The following MMRN2 variants were observed in gnomAD, a reference collection of about 807,000 sequenced individuals.
The protein encoded by MMRN2 is multimerin 2.
A neutral mutation model predicts 68.8 loss-of-function variants in MMRN2; 53 were observed. The observed-to-expected ratio is 0.77, with a 90% CI of 0.62 to 0.97. The LOEUF (loss-of-function observed/expected upper bound fraction) is 0.97. Among genes scored for constraint, MMRN2 ranks in the 50% least tolerant of loss-of-function variants. The pLI is 0.00. For synonymous variants in MMRN2, 564 were observed against 551.6 expected (o/e 1.02, Z -0.32); for missense variants, 1,266 against 1,259.5 (o/e 1.01, Z -0.08).
chr10:86,938,095 T>A lies in MMRN2; in HGVS notation c.2468-970A>T, dbSNP rs1355289162. Among the ~76,000 whole-genome samples, 3 of 152,294 alleles carry A rather than the reference T, an allele frequency of 2.0e-5. No individual in the cohort carries two copies. The East Asian group carries it at 5.8e-4, about 29-fold the overall frequency. ...GTCTACAGGCATACGCCATCATGCC[T>A]GGCTAATTTTTTATTTTTTGTAGAG... On this transcript the variant is annotated intron_variant, in intron 6 of 6. Coordinates refer to ENST00000372027, the MANE Select transcript of MMRN2 (RefSeq NM_024756.3).
At position 86,939,202 on chromosome 10, in the gene MMRN2, G is replaced by T. The variant is rs562724192; in HGVS notation, c.2468-2077C>A. Among the ~76,000 whole-genome samples, 25 of 148,456 alleles carry T rather than the reference G, an allele frequency of 1.7e-4. 1 individual carries two copies. The highest frequency in any genetic ancestry group is 5.5e-4 in the African/African-American group (22 of 40,086). On this transcript the variant is annotated intron_variant, in intron 6 of 6. Coordinates refer to ENST00000372027, the MANE Select transcript of MMRN2 (RefSeq NM_024756.3). ...AAAAATGCCGGGCGCAATGGCTCAC[G>T]CCTGTAATCCCAGCACTTTGGAAGG... is the stretch of plus-strand genomic sequence containing the variant.
chr10:86,937,071 GTC>G lies in MMRN2; in HGVS notation c.2520_2521del (p.Gln840HisfsTer18). The G allele has an allele frequency of 6.2e-7, 1 of 1,614,216 alleles. No homozygotes were observed. Among genetic ancestry groups the G allele is most frequent in the Non-Finnish European group, 8.5e-7 (1 of 1,180,042 alleles). The stretch of plus-strand genomic sequence containing the variant: ...GATGTATGTGGTGTTGAACTTCACT[GTC>G]TGCAGGGCAGCCGTCCCTTCTGAAA... On this transcript the variant is annotated frameshift_variant, in exon 7 of 7. Coordinates refer to ENST00000372027, the MANE Select transcript of MMRN2 (RefSeq NM_024756.3). LOFTEE classifies it low-confidence loss of function (END_TRUNC).
Position 86,944,372 on chromosome 10 carries a change from C to G in MMRN2, c.545G>C (p.Gly182Ala), listed in dbSNP as rs61736566. 2.6e-3 allele frequency: 4,263 copies of G among 1,614,004 alleles called. 88 individuals are homozygous for G. The African/African-American group carries it at 0.05, about 19-fold the overall frequency. ...CCGGTGCACATCATTCTGGAGATCTCCCAGCAGATGTTCCTGCTGTTCCTG... is the reference window on the plus strand; with the variant it reads ...CCGGTGCACATCATTCTGGAGATCTGCCAGCAGATGTTCCTGCTGTTCCTG... Reference protein sequence around the residue: ...VQQEQQEHLLGDLQNDVHRVA... With the variant: ...VQQEQQEHLLADLQNDVHRVA... Residue 182 changes from glycine to alanine, a missense_variant, in exon 5 of 7, where the codon GGA (glycine) becomes GCA (alanine). Transcript: ENST00000372027.
intron 6 of MMRN2, among the ~76,000 whole-genome samples, chr10:86,938,727 T>C (rs75995211): frequency 0.041 from 6,175 of 152,316 alleles, 205 homozygotes; most frequent in East Asian, 0.12. Context: ...AATTACTGAC[T>C]TGGGTCCCGG....
chr10:86,951,918 C>G lies in MMRN2; in HGVS notation c.164+5460G>C, dbSNP rs534963825. ...CAAAAATTAGCTGGGTGTGGTGGTG[C>G]ACACCTCTAGTCCCAGCTACTTGGG... On this transcript the variant is annotated intron_variant, in intron 1 of 6. Transcript: ENST00000372027. Among the ~76,000 whole-genome samples the G allele has an allele frequency of 2.6e-5, 4 of 152,102 alleles. No individual in the cohort carries two copies. The East Asian group carries it at 7.7e-4, about 29-fold the overall frequency.
chr10:86,945,749 A>T, intron 1 of MMRN2, 60 bp from the exon 2 acceptor site: 2 of 1,610,144 alleles, frequency 1.2e-6, no homozygotes, highest in South Asian at 2.2e-5. Flanking sequence ...AGGGGGTGCC[A>T]GTGCAGAGCC....
At chr10:86,940,540 C>T (rs1291912450) in intron 6 of MMRN2, among the ~76,000 whole-genome samples, 1 of 152,208 alleles carries the variant, frequency 6.6e-6, no homozygotes, top group East Asian at 1.9e-4. Context: ...AAGCCTCGTG[C>T]TAGGTATTTG....
intron 1 of MMRN2, among the ~76,000 whole-genome samples, chr10:86,953,116 G>A (rs1042484340): frequency 1.8e-4 from 28 of 152,170 alleles, no homozygotes; most frequent in South Asian, 2.1e-4. Flanking sequence ...CCCTAAAATC[G>A]CTGTTATTCT....
chr10:86,941,853 AATC>A (rs1843974531), intron 6 of MMRN2, among the ~76,000 whole-genome samples: 1 of 151,020 alleles, frequency 6.6e-6, no homozygotes, highest in Non-Finnish European at 1.5e-5. Context: ...AAAAAACTAA[AATC>A]ATGGAAAATG....
chr10:86,945,173 C>T lies in MMRN2; in HGVS notation c.481+15G>A, dbSNP rs377409752. The stretch of plus-strand genomic sequence containing the variant: ...CACCAGCCTGCCTGCCTTCCCCTTC[C>T]GGAAAGCAACACACCAGGTTTGAAG... On this transcript the variant is annotated intron_variant, in intron 4 of 6. Coordinates refer to ENST00000372027, the MANE Select transcript of MMRN2 (RefSeq NM_024756.3). 96 of 1,612,414 alleles carry T rather than the reference C, an allele frequency of 6.0e-5. No individual in the cohort carries two copies. The highest frequency in any genetic ancestry group is 2.7e-4 in the African/African-American group (20 of 75,038).
At chr10:86,939,547 T>G (rs1484584037) in intron 6 of MMRN2, among the ~76,000 whole-genome samples, 1 of 148,820 alleles carries the variant, frequency 6.7e-6, no homozygotes, top group African/African-American at 2.5e-5. Flanking sequence ...CCTAACACCC[T>G]GCAGGTGGTT....
At position 86,943,800 on chromosome 10, in the gene MMRN2, C is replaced by T. The variant is rs748661433; in HGVS notation, c.984G>A (p.Glu328=). The change falls in exon 6 of 7, where the codon GAG becomes GAA. Residue 328 remains glutamate (E), a synonymous_variant. Coordinates refer to ENST00000372027, the MANE Select transcript of MMRN2 (RefSeq NM_024756.3). The surrounding 1 kb of genome is among the most constrained non-coding windows in gnomAD (Gnocchi z 4.2). The stretch of plus-strand genomic sequence containing the variant: ...ATTTGGTGTCCACATCGGCTTGGAG[C>T]TCTGAGATCGAGCGGTGCAGGGTAA... ...QHFTLHRSIS[E]LQADVDTKLK... is the part of the protein sequence containing the mutation. The T allele has an allele frequency of 6.2e-7, 1 of 1,610,032 alleles. No homozygotes were observed. The highest frequency in any genetic ancestry group is 1.1e-5 in the South Asian group (1 of 91,088).
chr10:86,951,417 G>C (rs74153430), intron 1 of MMRN2, among the ~76,000 whole-genome samples: 3,579 of 152,364 alleles, frequency 0.023, 130 homozygotes, highest in African/African-American at 0.079. Flanking sequence ...GTGACACCCA[G>C]GGTGGGGCCC....
intron 6 of MMRN2, among the ~76,000 whole-genome samples, chr10:86,941,858 T>C (rs1843975438): frequency 8.3e-6 from 1 of 120,430 alleles, no homozygotes; most frequent in Non-Finnish European, 1.8e-5. Context: ...ACTAAAATCA[T>C]GGAAAATGAA....
chr10:86,940,038 GT>G (rs1245667876), intron 6 of MMRN2, among the ~76,000 whole-genome samples: 1 of 137,380 alleles, frequency 7.3e-6, no homozygotes, highest in African/African-American at 2.8e-5. Context: ...TTTTTTGACA[GT>G]TTCGCTCTTC....
chr10:86,947,720 G>A (rs1429788168), intron 1 of MMRN2, among the ~76,000 whole-genome samples: 2 of 151,904 alleles, frequency 1.3e-5, no homozygotes, highest in African/African-American at 2.4e-5. Flanking sequence ...TACCCTCTCA[G>A]CAGCAGACTG....
rs4520507 is a variant in MMRN2, at chr10:86,957,356, G to T, written c.164+22C>A. The T allele has an allele frequency of 9.3e-4, 1,496 of 1,611,768 alleles. 10 individuals carry two copies. In the African/African-American group the frequency reaches 0.017, roughly 18 times the overall value. ...ACTCAGATCCTACTCCATGACCTCT[G>T]CCAAGGTCCAGGCCCTCTTACCGTC... On this transcript the variant is annotated intron_variant, in intron 1 of 6. Transcript: ENST00000372027.
rs1276934269 is a variant in MMRN2 at position 86,945,646 on chromosome 10, C to G, written c.208G>C (p.Ala70Pro). Residue 70 changes from alanine (A) to proline (P), a missense_variant, in exon 2 of 7, where the codon GCT becomes CCT. Coordinates refer to ENST00000372027, the MANE Select transcript of MMRN2 (RefSeq NM_024756.3). Reference protein sequence around the residue: ...YPMSKLVTLLALCKTEKFLIH... With the variant: ...YPMSKLVTLLPLCKTEKFLIH... ...AGGAATTTCTCTGTTTTGCAAAGAG[C>G]TAGTAAGGTGACCAGCTTGGACATT... 4.3e-6 allele frequency: 7 copies of G among 1,613,974 alleles called. No homozygotes were observed. The Admixed American group carries it at 5.0e-5, about 12-fold the overall frequency.
Position 86,943,320 on chromosome 10 carries a change from G to A in MMRN2, c.1464C>T (p.Tyr488=). ...GCTTCTGGCAATTGCAGTCCTTCAC[G>A]TACTTGATGAGGTCGGCATGGCCAC... The part of the protein sequence containing the change: ...LQGGHADLIK[Y]VKDCNCQKLY... Residue 488 remains tyrosine (Y), a synonymous_variant, in exon 6 of 7, where the codon TAC becomes TAT. Transcript: ENST00000372027. The surrounding 1 kb of genome is among the most constrained non-coding windows in gnomAD (Gnocchi z 4.2). The A allele has an allele frequency of 6.2e-6, 10 of 1,613,884 alleles. No individual in the cohort carries two copies. The highest frequency in any genetic ancestry group is 5.9e-6 in the Non-Finnish European group (7 of 1,180,000).
Sources: allele counts gnomAD v4.1 joint callset (sites outside exome capture counted in the v4.1 genomes callset), GRCh38; gene constraint gnomAD v4.1.1; non-coding constraint Gnocchi (gnomAD v3.1); transcripts MANE v1.5; gene names NCBI Gene and HGNC (gene_info 2026-07-23, HGNC 2026-07-21).